Variants in STAT5B observed in about 807,000 individuals in gnomAD.
STAT5B encodes the protein transcription factor STAT5B.
In STAT5B, 21 loss-of-function variants were observed where a neutral mutation model predicts 107.8. The ratio of observed to expected loss-of-function variants is 0.19; its 90% CI spans 0.14 to 0.28. The LOEUF is 0.28. STAT5B is among the 10% of genes least tolerant of loss of function. The pLI, the probability that STAT5B is intolerant of heterozygous loss-of-function variation, is 1.00. For missense variants in STAT5B, 565 were observed against 1,008.2 expected (o/e 0.56, Z 5.95); for synonymous variants, 325 against 401.7 (o/e 0.81, Z 2.28).
At chr17:42,209,986 A>C (rs2080115765) in intron 15 of STAT5B, among the ~76,000 whole-genome samples, 185 bp downstream of exon 15, 1 of 152,156 alleles carries the variant, frequency 6.6e-6, no homozygotes, top group Non-Finnish European at 1.5e-5. Flanking sequence ...CAAATTAGCA[A>C]TTGTGTTTCC....
intron 1 of STAT5B, among the ~76,000 whole-genome samples, chr17:42,232,978 A>G (rs1213812001): frequency 6.6e-6 from 1 of 151,420 alleles, no homozygotes; most frequent in East Asian, 1.9e-4. Flanking sequence ...AGTAGCTGAG[A>G]TTACAGGTGC....
chr17:42,287,694 G>A, the STAT5B span: 2 of 152,290 alleles, frequency 1.3e-5, no homozygotes, highest in African/African-American at 4.8e-5. Context: ...CTAGTTTATG[G>A]ATCACAGTCG....
At chr17:42,220,625 C>CAGAT (rs2080217465) in intron 5 of STAT5B, among the ~76,000 whole-genome samples, 1 of 152,060 alleles carries the variant, frequency 6.6e-6, no homozygotes, top group Non-Finnish European at 1.5e-5. Context: ...CACGGACAGA[C>CAGAT]AGACAGACCG....
chr17:42,227,482 A>AC (rs779067633), intron 3 of STAT5B, 47 bp downstream of exon 3: 12 of 1,611,320 alleles, frequency 7.4e-6, no homozygotes, highest in Admixed American at 1.7e-5. Flanking sequence ...CAGGAAGAAG[A>AC]CCCCCAAGGG....
intron 1 of STAT5B, among the ~76,000 whole-genome samples, chr17:42,251,932 G>A (rs2080503174): frequency 6.6e-6 from 1 of 151,188 alleles, no homozygotes; most frequent in South Asian, 2.1e-4. Context: ...CCAGGAGGTG[G>A]AGGTTGCAGT....
At chr17:42,224,384 C>T (rs186435122) in intron 4 of STAT5B, among the ~76,000 whole-genome samples, 1 of 151,770 alleles carries the variant, frequency 6.6e-6, no homozygotes, top group Admixed American at 6.6e-5. Flanking sequence ...CACTCCATCA[C>T]CCATGAGTGC....
At chr17:42,242,813 C>T (rs2080415517) in intron 1 of STAT5B, among the ~76,000 whole-genome samples, 2 of 152,138 alleles carry the variant, frequency 1.3e-5, no homozygotes, top group Non-Finnish European at 2.9e-5. Context: ...ACTAAAAATA[C>T]AAAAATTGTA....
At chr17:42,208,633 G>A in intron 15 of STAT5B, among the ~76,000 whole-genome samples, 1 of 152,124 alleles carries the variant, frequency 6.6e-6, no homozygotes, top group East Asian at 1.9e-4. Flanking sequence ...AGAAGAAACA[G>A]TTTTTACTGG....
At chr17:42,202,519 G>T in intron 17 of STAT5B, 72 bp from the exon 18 acceptor site, 2 of 1,546,332 alleles carry the variant, frequency 1.3e-6, no homozygotes, top group South Asian at 1.1e-5. Context: ...GGGGACCAAG[G>T]GGTATCTTTG....
chr17:42,204,127 C>G (rs1174918108), intron 16 of STAT5B, among the ~76,000 whole-genome samples: 1 of 152,164 alleles, frequency 6.6e-6, no homozygotes, highest in Non-Finnish European at 1.5e-5. Context: ...ATTTGGGGTA[C>G]TTTGATGTCA....
At chr17:42,264,693 C>T (rs1465125949) in intron 1 of STAT5B, among the ~76,000 whole-genome samples, 1 of 150,314 alleles carries the variant, frequency 6.7e-6, no homozygotes, top group Admixed American at 6.6e-5. Flanking sequence ...TTTATAGCAG[C>T]ATGATTTATA....
At chr17:42,251,010 C>A (rs1182634262) in intron 1 of STAT5B, among the ~76,000 whole-genome samples, 1 of 151,008 alleles carries the variant, frequency 6.6e-6, no homozygotes, top group Admixed American at 6.6e-5. Flanking sequence ...ATAACACGAG[C>A]CACAAAATGA....
chr17:42,218,216 C>T lies in STAT5B; in HGVS notation c.1104G>A (p.Gln368=). ...GKLNVHMNPP[Q]VKATIISEQQ... ...GCTCACTGATGATGGTGGCCTTCAC[C>T]TGGGGGGGGTTCATGTGCACGTTCA... The change falls in exon 9 of 19, where the codon CAG becomes CAA. Residue 368 remains glutamine (Q), a synonymous_variant. Coordinates refer to ENST00000293328, the MANE Select transcript of STAT5B (RefSeq NM_012448.4). 1.2e-6 allele frequency: 2 copies of T among 1,614,138 alleles called. No individual in the cohort carries two copies.
At chr17:42,279,316 C>T (rs1239499173), upstream of STAT5B, among the ~76,000 whole-genome samples, 1 of 152,152 alleles carries the variant, frequency 6.6e-6, no homozygotes, top group East Asian at 1.9e-4. Context: ...CCTACCTCAT[C>T]GGGTTGCGGG....
intron 1 of STAT5B, among the ~76,000 whole-genome samples, chr17:42,258,870 T>G (rs1330689327): frequency 1.3e-5 from 2 of 152,172 alleles, no homozygotes; most frequent in African/African-American, 4.8e-5. Context: ...GAACTAAAAA[T>G]GATTCCCCTC....
Position 42,200,880 on chromosome 17 carries a change from C to G in STAT5B, c.*858G>C. On this transcript the variant is annotated 3_prime_UTR_variant, in exon 19 of 19. Coordinates refer to ENST00000293328, the MANE Select transcript of STAT5B (RefSeq NM_012448.4). ...TTCCTGGGTAACCAGGCAACAATCT[C>G]AGCGCCTGGGAGTCAGGGCTGCGCA... The G allele has an allele frequency of 2.5e-6, 1 of 392,828 alleles. No individual in the cohort carries two copies. The highest frequency in any genetic ancestry group is 1.4e-4 in the South Asian group (1 of 6,970). 24.3% of individuals were successfully genotyped at this position (392,828 alleles called of 1,614,324 possible).
intron 1 of STAT5B, chr17:42,235,493 T>C (rs2144308148): frequency 6.6e-6 from 1 of 152,310 alleles, no homozygotes; most frequent in East Asian, 1.9e-4. Context: ...ACAATTTTTT[T>C]TTTTTTTGAG....
chr17:42,202,544 TAGA>T (rs1224531640), intron 17 of STAT5B, 97 bp from the exon 18 acceptor site: 2 of 1,495,504 alleles, frequency 1.3e-6, no homozygotes, highest in African/African-American at 1.4e-5. Context: ...TCTCAGGGTG[TAGA>T]AGGACAAAGT....
At chr17:42,218,496 T>C (rs1016694454) in intron 8 of STAT5B, among the ~76,000 whole-genome samples, 166 bp from the exon 9 acceptor site, 20 of 151,346 alleles carry the variant, frequency 1.3e-4, no homozygotes, top group Non-Finnish European at 2.2e-4. Context: ...AGGGAGAGGA[T>C]GGAGAGGGGA....
Sources: allele counts gnomAD v4.1 joint callset (sites outside exome capture counted in the v4.1 genomes callset), GRCh38; gene constraint gnomAD v4.1.1; transcripts MANE v1.5; gene names NCBI Gene and HGNC (gene_info 2026-07-23, HGNC 2026-07-21).